Variants in CRTC3 observed in about 807,000 individuals in gnomAD.
CRTC3 encodes the protein CREB-regulated transcription coactivator 3.
Under a neutral mutation model 74.5 loss-of-function variants are expected in CRTC3, and 26 were observed. The observed-to-expected ratio is 0.35, with a 90% CI of 0.26 to 0.48. CRTC3 has a LOEUF of 0.48. CRTC3 is among the 20% of genes least tolerant of loss of function. CRTC3 has a pLI of 0.99. For missense variants in CRTC3, 760 were observed against 787.3 expected, an observed-to-expected ratio of 0.97 and a Z score of 0.41; for synonymous variants, 377 against 325.8, an observed-to-expected ratio of 1.16 and a Z score of -1.69.
intron 3 of CRTC3, among the ~76,000 whole-genome samples, chr15:90,599,942 T>C (rs1005113054): frequency 2.0e-5 from 3 of 152,138 alleles, no homozygotes; most frequent in African/African-American, 7.2e-5. Flanking sequence ...CAGATAACCG[T>C]AGGTTCTGAG....
At chr15:90,574,491 CAAA>C (rs1365863126) in intron 2 of CRTC3, among the ~76,000 whole-genome samples, 1 of 151,980 alleles carries the variant, frequency 6.6e-6, no homozygotes, top group African/African-American at 2.4e-5. Flanking sequence ...CAAAACAAAA[CAAA>C]AAAACTATGC....
intron 2 of CRTC3, among the ~76,000 whole-genome samples, chr15:90,580,902 A>T (rs1187120010): frequency 6.6e-6 from 1 of 152,206 alleles, no homozygotes; most frequent in Admixed American, 6.5e-5. Flanking sequence ...TCTTACCATG[A>T]TGAATTAAAA....
chr15:90,643,039 C>T lies in CRTC3; in HGVS notation c.*899C>T, dbSNP rs575694427. On this transcript the variant is annotated 3_prime_UTR_variant, in exon 15 of 15. Coordinates refer to ENST00000268184, the MANE Select transcript of CRTC3 (RefSeq NM_022769.5). ...CACCCACCGAGCAACTGAGCTTCCC[C>T]ATCCCTCCCCAGAGCTGTGTCTCTG... The T allele has an allele frequency of 1.7e-5, 4 of 232,440 alleles. No individual in the cohort carries two copies. The highest frequency in any genetic ancestry group is 1.1e-4 in the Admixed American group (2 of 17,786). 14.4% of individuals were successfully genotyped at this position (232,440 alleles called of 1,614,324 possible).
intron 2 of CRTC3, among the ~76,000 whole-genome samples, chr15:90,547,889 C>CTTT (rs34721161): frequency 5.0e-5 from 5 of 100,450 alleles, no homozygotes; most frequent in East Asian, 2.6e-4. Context: ...TTTTCGTATC[C>CTTT]TTTTTTTTTT....
Position 90,529,927 on chromosome 15 carries a change from C to A in CRTC3, c.-145C>A. ...GCGCGCTCCCGGCCGCTCGCTGGCT[C>A]CGGGGCCGCGGCGGCTCCTCTGCCG... On this transcript the variant is annotated 5_prime_UTR_variant, in exon 1 of 15. Transcript: ENST00000268184. 2.0e-6 allele frequency: 1 copy of A among 501,420 alleles called. No homozygotes were observed. The allele number at this position is 501,420 out of a possible 1,614,324, so 31.1% of individuals were successfully genotyped here. A position where few individuals can be genotyped will look rare whatever the true frequency, so the allele number is the denominator to read the frequency against.
At chr15:90,588,021 G>T (rs1967707725) in intron 2 of CRTC3, among the ~76,000 whole-genome samples, 1 of 151,778 alleles carries the variant, frequency 6.6e-6, no homozygotes. Flanking sequence ...GCCGAGGGGG[G>T]TGGATCACTT....
chr15:90,619,372 G>A (rs112149064), intron 8 of CRTC3, among the ~76,000 whole-genome samples: 1 of 152,196 alleles, frequency 6.6e-6, no homozygotes, highest in South Asian at 2.1e-4. Context: ...CAGGAGAATC[G>A]CTTGAACCCA....
Position 90,604,372 on chromosome 15 carries a change from CT to C in CRTC3, c.414-12del, listed in dbSNP as rs1247705957. ...TGACTTCTTTTCCTTTTATGTTGTT[CT>C]GGTTTTTAAAGGCAGCAGCCTCCTT... On this transcript the variant is annotated splice_polypyrimidine_tract_variant and intron_variant, in intron 4 of 14. Coordinates refer to ENST00000268184, the MANE Select transcript of CRTC3 (RefSeq NM_022769.5). The C allele has an allele frequency of 4.3e-6, 7 of 1,611,832 alleles. No homozygotes were observed. Among genetic ancestry groups the C allele is most frequent in the Non-Finnish European group, 5.9e-6 (7 of 1,177,972 alleles).
At chr15:90,607,029 CAGCCACAGGCTAAACT>C (rs1480026559) in intron 5 of CRTC3, among the ~76,000 whole-genome samples, 1 of 73,234 alleles carries the variant, frequency 1.4e-5, no homozygotes, top group Non-Finnish European at 3.1e-5. Flanking sequence ...AAACCTAGTG[CAGCCACAGGCTAAACT>C]GGCCACAGCC....
chr15:90,639,046 AC>A (rs1410106959), intron 13 of CRTC3, among the ~76,000 whole-genome samples: 1 of 151,820 alleles, frequency 6.6e-6, no homozygotes, highest in Non-Finnish European at 1.5e-5. Context: ...TCGGCAGGAG[AC>A]TTTTGATGAC....
At position 90,638,579 on chromosome 15, in the gene CRTC3, C is replaced by T. The variant is rs1969324742; in HGVS notation, c.1400C>T (p.Ala467Val). 2 of 1,613,034 alleles carry T rather than the reference C, an allele frequency of 1.2e-6. No individual in the cohort carries two copies. The highest frequency in any genetic ancestry group is 1.7e-6 in the Non-Finnish European group (2 of 1,179,960). The change falls in exon 12 of 15, where the codon GCC (alanine) becomes GTC (valine). Residue 467 changes from alanine (A) to valine (V), a missense_variant. Coordinates refer to ENST00000268184, the MANE Select transcript of CRTC3 (RefSeq NM_022769.5). ...CTGCAGCAGCCCCGCGCCCCTGAGG[C>T]CCCTGCCCAGCAGCCCCAGGCAGCC... ...PLLQQPRAPE[A>V]PAQQPQAASS...
intron 9 of CRTC3, 150 bp from the exon 10 acceptor site, chr15:90,625,625 AC>A (rs2151091000): frequency 1.4e-6 from 1 of 691,850 alleles, no homozygotes; most frequent in African/African-American, 1.8e-5. Flanking sequence ...TAAGCCGAGC[AC>A]CAGTGTTCTC....
chr15:90,567,773 TAGA>T (rs1479137980), intron 2 of CRTC3, among the ~76,000 whole-genome samples: 1 of 152,230 alleles, frequency 6.6e-6, no homozygotes, highest in African/African-American at 2.4e-5. Flanking sequence ...GATGGAAATG[TAGA>T]AGATTAGTGT....
intron 3 of CRTC3, chr15:90,598,190 G>A (rs1967976585): frequency 2.0e-6 from 1 of 499,264 alleles, no homozygotes; most frequent in South Asian, 2.5e-5. Context: ...CCCCGACAAG[G>A]CAGTTCCTGA....
At chr15:90,576,859 T>C (rs1205318302) in intron 2 of CRTC3, among the ~76,000 whole-genome samples, 1 of 19,508 alleles carries the variant, frequency 5.1e-5, no homozygotes, top group Admixed American at 4.3e-4. Flanking sequence ...TCTGTGGGAG[T>C]TGAGGAAGTG....
At chr15:90,614,151 G>C (rs1968431149) in intron 6 of CRTC3, 2 of 282,390 alleles carry the variant, frequency 7.1e-6, no homozygotes, top group South Asian at 5.1e-5. Context: ...TTACTTTGTG[G>C]TTTGAATAGA....
chr15:90,638,540 T>A lies in CRTC3; in HGVS notation c.1361T>A (p.Leu454His). 6.2e-7 allele frequency: 1 copy of A among 1,613,378 alleles called. No individual in the cohort carries two copies. The highest frequency in any genetic ancestry group is 8.5e-7 in the Non-Finnish European group (1 of 1,179,836). The change falls in exon 12 of 15, where the codon CTC becomes CAC. Residue 454 changes from leucine (L) to histidine (H), a missense_variant. By Grantham distance (99) the Leu-to-His change is moderately conservative. Transcript: ENST00000268184. ...PPPPYPAPQE[L>H]TQPLLQQPRA... The stretch of plus-strand genomic sequence containing the variant: ...CCCCCTTACCCTGCACCCCAGGAGC[T>A]CACCCAGCCCCTCCTGCAGCAGCCC...
At position 90,620,171 on chromosome 15, in the gene CRTC3, G is replaced by A. The variant is rs1364630501; in HGVS notation, c.749+381G>A. The A allele has an allele frequency of 1.3e-5, 3 of 227,308 alleles. No homozygotes were observed. The East Asian group carries it at 3.9e-4, about 30-fold the overall frequency. The allele number at this position is 227,308 out of a possible 1,614,324, so 14.1% of individuals were successfully genotyped here. On this transcript the variant is annotated intron_variant, in intron 9 of 14. Transcript: ENST00000268184. ...GTGACATCCTGGCCAGGGGAAAAGGGAAGCATCAGTTCACCTGGCAGCTTA... is the reference window on the plus strand; with the variant it reads ...GTGACATCCTGGCCAGGGGAAAAGGAAAGCATCAGTTCACCTGGCAGCTTA...
At position 90,632,561 on chromosome 15, in the gene CRTC3, C is replaced by CTAGA. The variant is rs142021228; in HGVS notation, c.1266+3030_1266+3033dup. On this transcript the variant is annotated intron_variant, in intron 11 of 14. Transcript: ENST00000268184. ...TCTCGTTAGGCATATTCCTCACTGC[C>CTAGA]TAGAGATGGCTGTCAACCATTTTAA... Among the ~76,000 whole-genome samples the CTAGA allele has an allele frequency of 5.2e-3, 794 of 152,274 alleles. 8 individuals carry two copies. The highest frequency in any genetic ancestry group is 0.043 in the East Asian group (224 of 5,192).
Sources: allele counts gnomAD v4.1 joint callset (sites outside exome capture counted in the v4.1 genomes callset), GRCh38; gene constraint gnomAD v4.1.1; transcripts MANE v1.5; gene names NCBI Gene and HGNC (gene_info 2026-07-23, HGNC 2026-07-21).